Variants in LARGE1 observed in about 807,000 individuals in gnomAD.
LARGE1 encodes LARGE xylosyl- and glucuronyltransferase 1, also known as xylosyl- and glucuronyltransferase LARGE1.
In LARGE1, 43 loss-of-function variants were observed where a neutral mutation model predicts 87.6. The observed-to-expected ratio is 0.49, with a 90% CI of 0.38 to 0.63. LARGE1 has a LOEUF of 0.63. Ranked by LOEUF, LARGE1 falls within the 30% of genes least tolerant of loss-of-function variation. LARGE1 has a pLI of 0.00. For missense variants in LARGE1, 802 were observed against 1,000.2 expected (o/e 0.80, Z 2.67); for synonymous variants, 434 against 394.6 (o/e 1.10, Z -1.18).
At chr22:33,296,999 C>T (rs759880925) in intron 12 of LARGE1, among the ~76,000 whole-genome samples, 1 of 152,194 alleles carries the variant, frequency 6.6e-6, no homozygotes, top group Non-Finnish European at 1.5e-5. Flanking sequence ...CAGTGCTTGG[C>T]GCATAGTAAG....
chr22:33,174,806 C>T (rs1922773286), intron 11 of LARGE1, among the ~76,000 whole-genome samples: 1 of 152,048 alleles, frequency 6.6e-6, no homozygotes, highest in African/African-American at 2.4e-5. Flanking sequence ...AAGTTGAATC[C>T]CTGAATAGAC....
chr22:33,899,232 G>A (rs565133768), intron 1 of LARGE1, among the ~76,000 whole-genome samples: 13 of 152,204 alleles, frequency 8.5e-5, no homozygotes, highest in East Asian at 3.9e-4. Flanking sequence ...CATCAAACCC[G>A]CCTGATGGTG....
the LARGE1 span, among the ~76,000 whole-genome samples, chr22:33,122,471 G>T: frequency 6.7e-6 from 1 of 149,760 alleles, no homozygotes; most frequent in Admixed American, 6.8e-5. Flanking sequence ...CGATTCTCCT[G>T]CTTCAGCCTC....
chr22:33,815,849 G>C (rs566236335), intron 1 of LARGE1, among the ~76,000 whole-genome samples: 3 of 152,298 alleles, frequency 2.0e-5, no homozygotes, highest in African/African-American at 7.2e-5. Context: ...GAAAGGGTTT[G>C]TGGGGAGAGT....
At chr22:33,863,710 G>T (rs1302719776) in intron 1 of LARGE1, among the ~76,000 whole-genome samples, 1 of 151,900 alleles carries the variant, frequency 6.6e-6, no homozygotes, top group Non-Finnish European at 1.5e-5. Context: ...GGAGGTTGCA[G>T]TGAGCCGACA....
intron 1 of LARGE1, among the ~76,000 whole-genome samples, chr22:33,893,008 T>C (rs899671222): frequency 2.6e-5 from 4 of 152,206 alleles, no homozygotes; most frequent in African/African-American, 9.7e-5. Context: ...GAATCCAACC[T>C]ACAGTGGTTA....
intron 11 of LARGE1, among the ~76,000 whole-genome samples, chr22:33,170,355 C>T (rs963643160): frequency 6.6e-6 from 1 of 151,940 alleles, no homozygotes; most frequent in Non-Finnish European, 1.5e-5. Flanking sequence ...GATGACAAAG[C>T]AAGACTCCAT....
At position 33,387,234 on chromosome 22, in the gene LARGE1, C is replaced by G. The variant is rs1474041019; in HGVS notation, c.893-2930G>C. 7.5e-5 allele frequency among the ~76,000 whole-genome samples: 11 copies of G among 146,294 alleles called. 1 individual carries two copies. The highest frequency in any genetic ancestry group is 1.7e-4 in the Non-Finnish European group (11 of 65,440). On this transcript the variant is annotated intron_variant, in intron 7 of 14. Coordinates refer to ENST00000397394, the MANE Select transcript of LARGE1 (RefSeq NM_133642.5). ...GAAGTCAGGAGTCCAAGACCAGCCC[C>G]GCCAACATGGCGAAACCCCACCTCT...
chr22:33,621,686 G>A (rs1263804786), intron 4 of LARGE1, among the ~76,000 whole-genome samples: 1 of 152,168 alleles, frequency 6.6e-6, no homozygotes, highest in Non-Finnish European at 1.5e-5. Context: ...TGGACTTTCT[G>A]AGCCGAAAGT....
At chr22:33,909,517 C>A (rs991939062) in intron 1 of LARGE1, among the ~76,000 whole-genome samples, 2 of 140,126 alleles carry the variant, frequency 1.4e-5, no homozygotes, top group East Asian at 3.9e-4. Flanking sequence ...CCAACTTCTT[C>A]TTTTGTTTTT....
intron 5 of LARGE1, among the ~76,000 whole-genome samples, chr22:33,588,811 AC>A (rs1473158933): frequency 6.6e-6 from 1 of 151,862 alleles, no homozygotes; most frequent in Non-Finnish European, 1.5e-5. Context: ...TTAGAAACAA[AC>A]CCCCACACAC....
chr22:33,612,015 G>A (rs1003379630), intron 4 of LARGE1, among the ~76,000 whole-genome samples: 13 of 152,138 alleles, frequency 8.5e-5, no homozygotes, highest in Admixed American at 3.9e-4. Context: ...CCCAGAGGCC[G>A]AGCAGATGCT....
At chr22:33,502,452 G>C (rs545784422) in intron 6 of LARGE1, among the ~76,000 whole-genome samples, 64 of 152,296 alleles carry the variant, frequency 4.2e-4, no homozygotes, top group African/African-American at 1.5e-3. Context: ...CCACGGAGCA[G>C]GCATGCAGGG....
rs202074273 is a variant in LARGE1, at chr22:33,880,737, G to GA, written c.-83+39257dup. 9.2e-5 allele frequency among the ~76,000 whole-genome samples: 14 copies of GA among 151,412 alleles called. No homozygotes were observed. The East Asian group carries it at 9.7e-4, about 11-fold the overall frequency. ...CAACTAGGTGTTGCTTTAAATTCTGGAAAAAAAAATTCATATGGATATTTT... is the reference window on the plus strand; with the variant it reads ...CAACTAGGTGTTGCTTTAAATTCTGGAAAAAAAAAATTCATATGGATATTTT... On this transcript the variant is annotated intron_variant, in intron 1 of 14. Coordinates refer to ENST00000397394, the MANE Select transcript of LARGE1 (RefSeq NM_133642.5).
chr22:33,841,980 A>C (rs1007194768), intron 1 of LARGE1, among the ~76,000 whole-genome samples: 1 of 152,262 alleles, frequency 6.6e-6, no homozygotes, highest in Non-Finnish European at 1.5e-5. Context: ...TCTTGGTCAC[A>C]AATAACAGTC....
At chr22:33,184,299 TAA>T (rs1394907737) in intron 11 of LARGE1, among the ~76,000 whole-genome samples, 1 of 151,162 alleles carries the variant, frequency 6.6e-6, no homozygotes, top group African/African-American at 2.4e-5. Flanking sequence ...AATACCTAGA[TAA>T]GCTGAAAATA....
intron 5 of LARGE1, among the ~76,000 whole-genome samples, chr22:33,595,375 C>G (rs2078950102): frequency 6.6e-6 from 1 of 152,144 alleles, no homozygotes; most frequent in African/African-American, 2.4e-5. Context: ...AGACTCTGAG[C>G]TCAGACCAAC....
intron 6 of LARGE1, among the ~76,000 whole-genome samples, chr22:33,541,556 G>A (rs913308667): frequency 5.3e-5 from 8 of 152,050 alleles, no homozygotes; most frequent in Non-Finnish European, 8.8e-5. Flanking sequence ...TGTATAAAGT[G>A]GATCAGTCTG....
chr22:33,825,840 T>C (rs909213250), intron 1 of LARGE1, among the ~76,000 whole-genome samples: 17 of 152,034 alleles, frequency 1.1e-4, no homozygotes, highest in African/African-American at 4.1e-4. Context: ...AGCTGCTACA[T>C]TCCCCAGCTG....
Sources: gnomAD v4.1 joint callset for allele counts (sites outside exome capture counted in the v4.1 genomes callset) on GRCh38, gnomAD v4.1.1 for gene constraint, MANE v1.5 for transcripts, NCBI Gene and HGNC (gene_info 2026-07-23, HGNC 2026-07-21) for gene names.